COLEC12: variants seen among roughly 807,000 people sequenced by gnomAD.
COLEC12 encodes collectin subfamily member 12.
COLEC12 carries 33 observed loss-of-function variants against 71.1 expected under a neutral mutation model. The ratio of observed to expected loss-of-function variants is 0.46; its 90% CI spans 0.35 to 0.62. The LOEUF is 0.62. Ranked by LOEUF, COLEC12 falls within the 20% of genes least tolerant of loss-of-function variation. The probability of loss-of-function intolerance (pLI) is 0.00; values close to 1 mark genes in which losing one functional copy is unlikely to be tolerated. For missense variants in COLEC12, 765 were observed against 916.1 expected (o/e 0.84, Z 2.13); for synonymous variants, 350 against 353.0 (o/e 0.99, Z 0.10).
At chr18:338,977 T>G (rs909598562) in intron 5 of COLEC12, among the ~76,000 whole-genome samples, 2 of 83,058 alleles carry the variant, frequency 2.4e-5, no homozygotes, top group African/African-American at 8.7e-5. Flanking sequence ...TTAGCCTTAT[T>G]GTCTTAATTT....
intron 2 of COLEC12, among the ~76,000 whole-genome samples, chr18:383,240 AT>A (rs909812063): frequency 1.6e-4 from 25 of 152,182 alleles, no homozygotes; most frequent in Admixed American, 1.4e-3. Context: ...ATTTAATTTA[AT>A]TTTTTAAATT....
chr18:417,581 C>A (rs1175339465), intron 2 of COLEC12, among the ~76,000 whole-genome samples: 1 of 152,186 alleles, frequency 6.6e-6, no homozygotes, highest in Middle Eastern at 3.2e-3. Flanking sequence ...GGGGCAGAGA[C>A]TTATCTTGCC....
In COLEC12 at chr18:357,865, C is replaced by T. The variant is rs553134542; in HGVS notation, c.59-343G>A. On this transcript the variant is annotated intron_variant, in intron 2 of 9. Coordinates refer to ENST00000400256, the MANE Select transcript of COLEC12 (RefSeq NM_130386.3). ...TCCTGGAGCAGGGATCCCTAATTCC[C>T]GGGCCATGGACTGGTACCAGTCTGG... is the stretch of plus-strand genomic sequence containing the variant. Among the ~76,000 whole-genome samples the T allele has an allele frequency of 4.6e-5, 7 of 152,300 alleles. No individual in the cohort carries two copies. The South Asian group carries it at 6.2e-4, about 14-fold the overall frequency.
chr18:363,708 C>A (rs1914796374), intron 2 of COLEC12, among the ~76,000 whole-genome samples: 1 of 152,140 alleles, frequency 6.6e-6, no homozygotes, highest in South Asian at 2.1e-4. Context: ...TACGCAATAT[C>A]ACTGGAACAA....
At chr18:335,612 G>A (rs540873221) in intron 5 of COLEC12, among the ~76,000 whole-genome samples, 178 of 152,276 alleles carry the variant, frequency 1.2e-3, no homozygotes, top group African/African-American at 4.3e-3. Context: ...GGAGAAGATG[G>A]ACTCCTGCAA....
chr18:331,895 G>T, intron 7 of COLEC12, 118 bp from the exon 8 acceptor site: 1 of 663,998 alleles, frequency 1.5e-6, no homozygotes, highest in Non-Finnish European at 2.6e-6. Context: ...TTGTCAGAAT[G>T]TGTAGCCTGC....
intron 2 of COLEC12, among the ~76,000 whole-genome samples, chr18:463,957 C>A (rs1917035611): frequency 6.6e-6 from 1 of 152,170 alleles, no homozygotes; most frequent in East Asian, 1.9e-4. Flanking sequence ...GCACCCTATG[C>A]CCTACAGCTC....
intron 1 of COLEC12, among the ~76,000 whole-genome samples, chr18:498,581 G>A (rs557432982): frequency 1.3e-5 from 2 of 152,062 alleles, no homozygotes; most frequent in East Asian, 1.9e-4. Flanking sequence ...GGCTGGTCTC[G>A]AACTCCTGAC....
chr18:339,935 G>A (rs1355227935), intron 5 of COLEC12, among the ~76,000 whole-genome samples: 5 of 151,960 alleles, frequency 3.3e-5, no homozygotes, highest in African/African-American at 4.8e-5. Flanking sequence ...TCTAGGACCC[G>A]GGATGCTGGC....
chr18:378,081 TG>T (rs1415887234), intron 2 of COLEC12, among the ~76,000 whole-genome samples: 1 of 152,186 alleles, frequency 6.6e-6, no homozygotes, highest in Non-Finnish European at 1.5e-5. Flanking sequence ...GCTCTGGCAC[TG>T]ATCAATGAGA....
At chr18:458,561 C>T (rs903877092) in intron 2 of COLEC12, among the ~76,000 whole-genome samples, 4 of 152,208 alleles carry the variant, frequency 2.6e-5, no homozygotes, top group Non-Finnish European at 5.9e-5. Flanking sequence ...AGGCAGCCTT[C>T]GCTTCTGTGA....
intron 1 of COLEC12, among the ~76,000 whole-genome samples, chr18:482,715 G>A (rs1286081218): frequency 2.6e-5 from 4 of 152,048 alleles, no homozygotes; most frequent in Non-Finnish European, 2.9e-5. Flanking sequence ...GGGTTCAAGC[G>A]ATTCTCCTGC....
chr18:347,587 G>C (rs1316711687), intron 4 of COLEC12, among the ~76,000 whole-genome samples: 1 of 152,024 alleles, frequency 6.6e-6, no homozygotes, highest in African/African-American at 2.4e-5. Context: ...GAGGGAGGGG[G>C]AATTTACTAG....
chr18:480,700 G>A lies in COLEC12; in HGVS notation c.58+7C>T, dbSNP rs1242505593. The A allele has an allele frequency of 6.2e-7, 1 of 1,613,452 alleles. No individual in the cohort carries two copies. The highest frequency in any genetic ancestry group is 8.5e-7 in the Non-Finnish European group (1 of 1,179,412). On this transcript the variant is annotated splice_region_variant and intron_variant, in intron 2 of 9. Coordinates refer to ENST00000400256, the MANE Select transcript of COLEC12 (RefSeq NM_130386.3). This position sits in a 1 kb window ranked among gnomAD's most constrained non-coding sequence, Gnocchi z 4.1. ...CTGAGAAGGAACACAGCTTTGTTAG[G>A]ACTCACCAAACCGCTTGTAACCGAA...
At chr18:390,551 G>A (rs777727739) in intron 2 of COLEC12, among the ~76,000 whole-genome samples, 1 of 152,096 alleles carries the variant, frequency 6.6e-6, no homozygotes, top group Admixed American at 6.6e-5. Context: ...ACCCGAGGTC[G>A]GGAGTTCGAG....
intron 2 of COLEC12, among the ~76,000 whole-genome samples, chr18:457,078 T>TG (rs2055104668): frequency 6.6e-6 from 1 of 152,200 alleles, no homozygotes; most frequent in Non-Finnish European, 1.5e-5. Flanking sequence ...CAAGGATCAG[T>TG]GCAGCCAGGT....
chr18:401,415 G>C (rs1915683669), intron 2 of COLEC12, among the ~76,000 whole-genome samples: 1 of 152,212 alleles, frequency 6.6e-6, no homozygotes, highest in African/African-American at 2.4e-5. Context: ...TCCTGACAGG[G>C]ATTCAACCCG....
At chr18:436,529 G>GAAA (rs1338943009) in intron 2 of COLEC12, among the ~76,000 whole-genome samples, 2 of 86,864 alleles carry the variant, frequency 2.3e-5, no homozygotes, top group Non-Finnish European at 4.5e-5. Flanking sequence ...AAAAAAAGGG[G>GAAA]GGGGGGGGGG....
intron 2 of COLEC12, among the ~76,000 whole-genome samples, chr18:387,575 G>C (rs1169988213): frequency 6.6e-6 from 1 of 152,012 alleles, no homozygotes; most frequent in East Asian, 1.9e-4. Flanking sequence ...CAATGACATA[G>C]TGCAATCCTT....
Sources: gnomAD v4.1 joint callset for allele counts (sites outside exome capture counted in the v4.1 genomes callset) on GRCh38, gnomAD v4.1.1 for gene constraint, Gnocchi (gnomAD v3.1) non-coding constraint, MANE v1.5 for transcripts, NCBI Gene and HGNC (gene_info 2026-07-23, HGNC 2026-07-21) for gene names.